INTS9: variants seen among roughly 807,000 people sequenced by gnomAD.
INTS9 encodes integrator complex subunit 9.
Under a neutral mutation model 79.7 loss-of-function variants are expected in INTS9, and 55 were observed. The ratio of observed to expected loss-of-function variants is 0.69; its 90% confidence interval spans 0.56 to 0.86. INTS9 has a LOEUF of 0.86. Ranked by LOEUF, INTS9 falls within the 40% of genes least tolerant of loss-of-function variation. INTS9 has a pLI of 0.00. For synonymous variants in INTS9, 319 were observed against 325.2 expected, an observed-to-expected ratio of 0.98 and a Z score of 0.20; for missense variants, 721 against 831.5, an observed-to-expected ratio of 0.87 and a Z score of 1.64.
At chr8:28,787,997 A>AT (rs1803713449) in intron 10 of INTS9, 108 bp from the exon 11 acceptor site, 13 of 575,496 alleles carry the variant, frequency 2.3e-5, no homozygotes, top group Non-Finnish European at 3.3e-5. Flanking sequence ...TTATTTAAAA[A>AT]TTTCCCGCCA....
chr8:28,834,844 T>A (rs1197827767), intron 6 of INTS9, among the ~76,000 whole-genome samples: 1 of 152,120 alleles, frequency 6.6e-6, no homozygotes, highest in Non-Finnish European at 1.5e-5. Flanking sequence ...CCAGCTAATT[T>A]TTTTGCATTT....
intron 6 of INTS9, among the ~76,000 whole-genome samples, chr8:28,823,266 T>C (rs182328290): frequency 2.6e-5 from 4 of 152,342 alleles, no homozygotes; most frequent in Admixed American, 6.5e-5. Context: ...CCTCTTTTTC[T>C]TCCTGAAAGG....
At chr8:28,861,598 G>GA (rs996227777) in intron 1 of INTS9, among the ~76,000 whole-genome samples, 4 of 151,766 alleles carry the variant, frequency 2.6e-5, no homozygotes, top group South Asian at 2.1e-4. Flanking sequence ...TTTATAATCA[G>GA]AAAAAAAATG....
chr8:28,852,503 A>C (rs1050217654), intron 2 of INTS9, among the ~76,000 whole-genome samples: 2 of 152,198 alleles, frequency 1.3e-5, no homozygotes, highest in African/African-American at 4.8e-5. Context: ...CAAGCATTCC[A>C]ATAAAAGTGT....
At position 28,780,764 on chromosome 8, in the gene INTS9, G is replaced by A. The variant is rs868443374; in HGVS notation, c.1270+59C>T. 10 of 1,587,036 alleles carry A rather than the reference G, an allele frequency of 6.3e-6. No homozygotes were observed. The African/African-American group carries it at 6.7e-5, about 11-fold the overall frequency. ...TTCCCTGGGTCTCTACCTTGTAGGT[G>A]CATTCACTCATGGCCTCAGTGGAGA... is the stretch of plus-strand genomic sequence containing the variant. On this transcript the variant is annotated intron_variant, in intron 12 of 16. Transcript: ENST00000521022.
At chr8:28,814,082 AAAAAT>A (rs951977756) in intron 6 of INTS9, among the ~76,000 whole-genome samples, 3 of 151,944 alleles carry the variant, frequency 2.0e-5, no homozygotes, top group African/African-American at 7.3e-5. Context: ...AAAAAAAAAA[AAAAAT>A]AGAGACATGG....
chr8:28,831,003 T>C (rs940032651), intron 6 of INTS9, among the ~76,000 whole-genome samples: 1 of 152,206 alleles, frequency 6.6e-6, no homozygotes, highest in African/African-American at 2.4e-5. Context: ...TAAAGATACA[T>C]GCAAGTGTAT....
intron 11 of INTS9, among the ~76,000 whole-genome samples, chr8:28,785,479 G>A (rs890378126): frequency 2.6e-5 from 4 of 152,170 alleles, no homozygotes; most frequent in Middle Eastern, 3.2e-3. Flanking sequence ...TATGGATGCA[G>A]GAGTTTCTGT....
chr8:28,878,651 AC>A (rs1266756393), intron 1 of INTS9, among the ~76,000 whole-genome samples: 32 of 150,626 alleles, frequency 2.1e-4, no homozygotes, highest in African/African-American at 7.3e-4. Flanking sequence ...TAAAAAAAAA[AC>A]AAAACAAAAA....
intron 3 of INTS9, among the ~76,000 whole-genome samples, chr8:28,848,795 T>C (rs557219661): frequency 6.6e-6 from 1 of 152,298 alleles, no homozygotes; most frequent in East Asian, 1.9e-4. Context: ...TCCAAACACT[T>C]ACAATGTCAC....
chr8:28,847,619 A>G (rs1807601615), intron 3 of INTS9, among the ~76,000 whole-genome samples: 1 of 152,258 alleles, frequency 6.6e-6, no homozygotes, highest in African/African-American at 2.4e-5. Context: ...AGAAATAAGC[A>G]TATGTATAAA....
At chr8:28,772,695 T>C (rs1388072708) in intron 14 of INTS9, among the ~76,000 whole-genome samples, 1 of 151,754 alleles carries the variant, frequency 6.6e-6, no homozygotes, top group Non-Finnish European at 1.5e-5. Flanking sequence ...TAGTCCCAGA[T>C]ACTCGGGAGG....
rs1383347408 is a variant in INTS9 at position 28,775,832 on chromosome 8, A to C, written c.1490T>G (p.Met497Arg). Residue 497 changes from methionine to arginine, a missense_variant, in exon 14 of 17, where the codon ATG (methionine) becomes AGG (arginine). Transcript: ENST00000521022. ...DLMIDCQPPA[M>R]SYRRAEVLAL... The stretch of plus-strand genomic sequence containing the variant: ...GAGAACCTCAGCCCGCCGATAGGAC[A>C]TGGCGGGGGGCTGGCAGTCGATCAT... 3 of 1,613,826 alleles carry C rather than the reference A, an allele frequency of 1.9e-6. No homozygotes were observed. The African/African-American group carries it at 4.0e-5, about 22-fold the overall frequency.
intron 4 of INTS9, among the ~76,000 whole-genome samples, chr8:28,841,257 C>T (rs182339256): frequency 2.8e-4 from 43 of 152,284 alleles, no homozygotes; most frequent in African/African-American, 9.4e-4. Flanking sequence ...TGAAGGACCA[C>T]GTAACTGTTT....
chr8:28,773,235 G>A (rs893463805), intron 14 of INTS9, among the ~76,000 whole-genome samples: 2 of 152,134 alleles, frequency 1.3e-5, no homozygotes, highest in Admixed American at 6.5e-5. Flanking sequence ...AGGCCAAGGC[G>A]GGTGGATCAC....
chr8:28,780,477 G>A (rs1480783364), intron 12 of INTS9: 1 of 985,208 alleles, frequency 1.0e-6, no homozygotes, highest in Non-Finnish European at 1.2e-6. Flanking sequence ...AGAAGAAAAA[G>A]ATCTACCTCT....
chr8:28,842,936 T>C (rs1340562705), intron 4 of INTS9, among the ~76,000 whole-genome samples: 3 of 152,206 alleles, frequency 2.0e-5, no homozygotes, highest in Admixed American at 2.0e-4. Context: ...AAGGTTCTTA[T>C]GACCTCCTGA....
intron 16 of INTS9, 97 bp from the exon 17 acceptor site, chr8:28,768,419 C>A (rs1802334283): frequency 9.0e-7 from 1 of 1,112,440 alleles, no homozygotes; most frequent in East Asian, 2.3e-5. Flanking sequence ...TTTCTAGAAA[C>A]TGACACGTCT....
chr8:28,888,780 G>C (rs1563324461), intron 1 of INTS9, among the ~76,000 whole-genome samples: 1 of 152,132 alleles, frequency 6.6e-6, no homozygotes, highest in African/African-American at 2.4e-5. Flanking sequence ...TACTTTCTCT[G>C]ACTTCGCAGA....
Sources: allele counts gnomAD v4.1 joint callset (sites outside exome capture counted in the v4.1 genomes callset), GRCh38; gene constraint gnomAD v4.1.1; transcripts MANE v1.5; gene names NCBI Gene and HGNC (gene_info 2026-07-23, HGNC 2026-07-21).